PRKN: variants seen among roughly 807,000 people sequenced by gnomAD.
PRKN encodes parkin RBR E3 ubiquitin protein ligase, also known as E3 ubiquitin-protein ligase parkin.
In PRKN, 56 loss-of-function variants were observed where a neutral mutation model predicts 59.5. The ratio of observed to expected loss-of-function variants is 0.94; its 90% confidence interval spans 0.76 to 1.18. PRKN has a LOEUF of 1.18. Ranked by LOEUF, PRKN falls within the 50% of genes most tolerant of loss-of-function variation. The probability of loss-of-function intolerance (pLI) is 0.00; values close to 1 mark genes in which losing one functional copy is unlikely to be tolerated. For missense variants in PRKN, 657 were observed against 596.4 expected (o/e 1.10, Z -1.06); for synonymous variants, 250 against 222.1 (o/e 1.13, Z -1.12).
intron 6 of PRKN, among the ~76,000 whole-genome samples, chr6:161,876,580 T>C (rs1300482508): frequency 6.6e-6 from 1 of 152,186 alleles, no homozygotes; most frequent in Non-Finnish European, 1.5e-5. Flanking sequence ...TTCAAAGTGT[T>C]AGGATTACAG....
intron 1 of PRKN, among the ~76,000 whole-genome samples, chr6:162,466,228 C>T (rs1357930494): frequency 6.6e-6 from 1 of 152,172 alleles, no homozygotes; most frequent in Non-Finnish European, 1.5e-5. Context: ...ATAACACTTT[C>T]CATTGCCTTT....
intron 2 of PRKN, among the ~76,000 whole-genome samples, chr6:162,363,527 CAAGAA>C (rs1211841472): frequency 6.6e-6 from 1 of 152,130 alleles, no homozygotes; most frequent in African/African-American, 2.4e-5. Context: ...CTTGACAGCA[CAAGAA>C]AAGTGACATT....
At chr6:162,641,262 T>C (rs1029401633) in intron 1 of PRKN, among the ~76,000 whole-genome samples, 6 of 152,016 alleles carry the variant, frequency 3.9e-5, no homozygotes, top group African/African-American at 1.4e-4. Context: ...TTTCTAGTAT[T>C]CTTTTACTTA....
intron 6 of PRKN, among the ~76,000 whole-genome samples, chr6:161,803,172 C>T (rs1296897108): frequency 6.6e-6 from 1 of 152,212 alleles, no homozygotes; most frequent in Admixed American, 6.5e-5. Flanking sequence ...TACTTTTCCA[C>T]AATTGCCTCT....
At chr6:162,138,225 C>T (rs991406240) in intron 4 of PRKN, among the ~76,000 whole-genome samples, 13 of 152,224 alleles carry the variant, frequency 8.5e-5, no homozygotes, top group African/African-American at 2.2e-4. Context: ...AAAGCTCACA[C>T]GGAGGTGGGA....
intron 1 of PRKN, among the ~76,000 whole-genome samples, chr6:162,658,196 C>A (rs1353595496): frequency 2.0e-5 from 3 of 152,096 alleles, no homozygotes; most frequent in African/African-American, 7.2e-5. Context: ...TTCTACTGGT[C>A]TTAAAGAAGT....
intron 6 of PRKN, among the ~76,000 whole-genome samples, chr6:161,833,291 A>C (rs1792589754): frequency 6.6e-6 from 1 of 152,170 alleles, no homozygotes; most frequent in Non-Finnish European, 1.5e-5. Context: ...ACTTCTCGTC[A>C]CTGAAGTGCT....
At chr6:162,306,215 T>C (rs1187445389) in intron 2 of PRKN, among the ~76,000 whole-genome samples, 1 of 152,122 alleles carries the variant, frequency 6.6e-6, no homozygotes, top group Non-Finnish European at 1.5e-5. Flanking sequence ...TAACAAAAGA[T>C]GTACAATGGT....
intron 3 of PRKN, among the ~76,000 whole-genome samples, chr6:162,250,195 GC>G (rs1367425765): frequency 8.0e-4 from 76 of 94,476 alleles, no homozygotes; most frequent in African/African-American, 3.5e-3. Flanking sequence ...AAGGGGGGGG[GC>G]AGGGAATGGA....
At chr6:161,673,250 T>C (rs1411353445) in intron 7 of PRKN, among the ~76,000 whole-genome samples, 1 of 151,988 alleles carries the variant, frequency 6.6e-6, no homozygotes, top group African/African-American at 2.4e-5. Flanking sequence ...GAAACCCAAG[T>C]CCCATGGGGA....
rs151130771 is a variant in PRKN, at chr6:161,398,999, C to A, written c.1084-12122G>T. ...GTTGCCTTTTGGCCTGTCATGCCCCCCTATCCTGTCCCTATATAAACTCCA... is the reference window on the plus strand; with the variant it reads ...GTTGCCTTTTGGCCTGTCATGCCCCACTATCCTGTCCCTATATAAACTCCA... On this transcript the variant is annotated intron_variant, in intron 9 of 11. Transcript: ENST00000366898. Among the ~76,000 whole-genome samples, 4 of 152,298 alleles carry A rather than the reference C, an allele frequency of 2.6e-5. No homozygotes were observed. In the East Asian group the frequency reaches 5.8e-4, roughly 22 times the overall value.
chr6:161,484,523 A>C lies in PRKN; in HGVS notation c.1083+64331T>G, dbSNP rs888979254. ...CCCTGTGAAATAGGACATGGGATTC[A>C]CTCTTTTTAAAGATGAGACAGTTGA... On this transcript the variant is annotated intron_variant, in intron 9 of 11. Coordinates refer to ENST00000366898, the MANE Select transcript of PRKN (RefSeq NM_004562.3). This position sits in a 1 kb window ranked among gnomAD's most constrained non-coding sequence, Gnocchi z 4.9. Among the ~76,000 whole-genome samples the C allele has an allele frequency of 6.6e-6, 1 of 152,058 alleles. No homozygotes were observed. Among genetic ancestry groups the C allele is most frequent in the Non-Finnish European group, 1.5e-5 (1 of 68,018 alleles).
intron 3 of PRKN, among the ~76,000 whole-genome samples, chr6:162,220,923 T>C (rs1777901006): frequency 6.6e-6 from 1 of 152,232 alleles, no homozygotes; most frequent in South Asian, 2.1e-4. Flanking sequence ...ATGGGATGTA[T>C]TGTGAATGTA....
chr6:162,649,345 T>G (rs556671996), intron 1 of PRKN, among the ~76,000 whole-genome samples: 42 of 152,234 alleles, frequency 2.8e-4, no homozygotes, highest in African/African-American at 9.9e-4. Context: ...CATCATACAA[T>G]CCAGAGCACT....
At chr6:162,314,697 T>C (rs944936170) in intron 2 of PRKN, among the ~76,000 whole-genome samples, 4 of 152,148 alleles carry the variant, frequency 2.6e-5, no homozygotes, top group Admixed American at 2.6e-4. Flanking sequence ...TTTTAGATGT[T>C]CACTATCAAC....
intron 8 of PRKN, among the ~76,000 whole-genome samples, chr6:161,558,029 T>G (rs888534486): frequency 1.3e-5 from 2 of 152,174 alleles, no homozygotes; most frequent in African/African-American, 4.8e-5. Flanking sequence ...TGATCAGGCT[T>G]CTGTTCACTG....
intron 7 of PRKN, among the ~76,000 whole-genome samples, chr6:161,732,276 AG>A (rs1256680403): frequency 1.1e-4 from 17 of 151,970 alleles, no homozygotes; most frequent in African/African-American, 4.1e-4. Flanking sequence ...TAGTACAGAC[AG>A]GGTTTCACCA....
At chr6:162,549,074 G>A (rs9458581) in intron 1 of PRKN, among the ~76,000 whole-genome samples, 28,450 of 151,904 alleles carry the variant, frequency 0.19, 3,275 homozygotes, top group East Asian at 0.49. Context: ...TTAGGAGGTA[G>A]GGCATTCGGA....
chr6:162,625,184 G>A (rs946733018), intron 1 of PRKN, among the ~76,000 whole-genome samples: 10 of 152,140 alleles, frequency 6.6e-5, no homozygotes, highest in Non-Finnish European at 8.8e-5. Context: ...AACTTCAGCC[G>A]TGCCACTGCA....
Sources: allele counts gnomAD v4.1 joint callset (sites outside exome capture counted in the v4.1 genomes callset), GRCh38; gene constraint gnomAD v4.1.1; non-coding constraint Gnocchi (gnomAD v3.1); transcripts MANE v1.5; gene names NCBI Gene and HGNC (gene_info 2026-07-23, HGNC 2026-07-21).